HS3ST4: variants seen among roughly 807,000 people sequenced by gnomAD.
HS3ST4 encodes the protein heparan sulfate glucosamine 3-O-sulfotransferase 4.
Under a neutral mutation model 29.2 loss-of-function variants are expected in HS3ST4, and 17 were observed. The ratio of observed to expected loss-of-function variants is 0.58; its 90% CI spans 0.40 to 0.87. The LOEUF is 0.87. Among genes scored for constraint, HS3ST4 ranks in the 40% least tolerant of loss-of-function variants. HS3ST4 has a pLI of 0.00. For synonymous variants in HS3ST4, 314 were observed against 285.7 expected, an observed-to-expected ratio of 1.10 and a Z score of -1.00; for missense variants, 627 against 634.5, an observed-to-expected ratio of 0.99 and a Z score of 0.13.
intron 1 of HS3ST4, among the ~76,000 whole-genome samples, chr16:25,776,755 G>A (rs916921725): frequency 1.3e-5 from 2 of 152,110 alleles, no homozygotes; most frequent in East Asian, 1.9e-4. Context: ...ACCCTTTCAC[G>A]AATGTTCTTC....
At chr16:25,961,653 T>C (rs1968793984) in intron 1 of HS3ST4, among the ~76,000 whole-genome samples, 3 of 152,144 alleles carry the variant, frequency 2.0e-5, no homozygotes, top group Admixed American at 6.5e-5. Context: ...CTCCAACTCA[T>C]CCCAGTTCAA....
At chr16:25,952,837 C>T (rs773626918) in intron 1 of HS3ST4, among the ~76,000 whole-genome samples, 2 of 152,202 alleles carry the variant, frequency 1.3e-5, no homozygotes, top group African/African-American at 2.4e-5. Flanking sequence ...AGTAAGCATT[C>T]GATGGATGTT....
intron 1 of HS3ST4, among the ~76,000 whole-genome samples, chr16:25,754,195 TTC>T (rs776846849): frequency 4.9e-4 from 74 of 152,304 alleles, no homozygotes; most frequent in Middle Eastern, 6.8e-3. Context: ...GCTTTGTATC[TTC>T]TAGCTAAGCT....
At chr16:25,698,295 G>C (rs1966312940) in intron 1 of HS3ST4, among the ~76,000 whole-genome samples, 1 of 152,068 alleles carries the variant, frequency 6.6e-6, no homozygotes, top group African/African-American at 2.4e-5. Context: ...TGTAAATGGA[G>C]TAACAGAGTA....
In HS3ST4 at chr16:25,691,984, C is replaced by G. The variant is rs1263994855; in HGVS notation, c.-434C>G. 12 of 151,474 alleles carry G rather than the reference C, an allele frequency of 7.9e-5. No homozygotes were observed. Among genetic ancestry groups the G allele is most frequent in the Admixed American group, 7.2e-4 (11 of 15,236 alleles). 9.4% of individuals were successfully genotyped at this position (151,474 alleles called of 1,614,324 possible). On this transcript the variant is annotated 5_prime_UTR_variant, in exon 1 of 2. Coordinates refer to ENST00000331351, the MANE Select transcript of HS3ST4 (RefSeq NM_006040.3). ...CTCCCCTCCGCGCCTCTCCTCTCTCCCGGCAGAAAGTTAGCAGCGGGGAAG... is the reference window on the plus strand; with the variant it reads ...CTCCCCTCCGCGCCTCTCCTCTCTCGCGGCAGAAAGTTAGCAGCGGGGAAG...
chr16:25,886,027 G>GTTTTTTTTTT (rs34713423), intron 1 of HS3ST4, among the ~76,000 whole-genome samples: 2 of 82,760 alleles, frequency 2.4e-5, no homozygotes, highest in South Asian at 5.7e-4. Flanking sequence ...TCTTACTGTG[G>GTTTTTTTTTT]TTTTTTTTTT....
intron 1 of HS3ST4, among the ~76,000 whole-genome samples, chr16:25,790,381 C>A (rs1466547834): frequency 6.6e-6 from 1 of 152,108 alleles, no homozygotes; most frequent in Non-Finnish European, 1.5e-5. Flanking sequence ...TGCACTCCAG[C>A]CCGGGCAACA....
At chr16:25,976,153 TATTA>T (rs1968941218) in intron 1 of HS3ST4, among the ~76,000 whole-genome samples, 1 of 152,218 alleles carries the variant, frequency 6.6e-6, no homozygotes, top group African/African-American at 2.4e-5. Context: ...ATTTGTCCAG[TATTA>T]ATTAGGTTAA....
intron 1 of HS3ST4, among the ~76,000 whole-genome samples, chr16:26,071,280 G>A (rs1898600886): frequency 6.6e-6 from 1 of 152,132 alleles, no homozygotes; most frequent in South Asian, 2.1e-4. Flanking sequence ...AAGGGGTCAG[G>A]TTTGGAGGAT....
At chr16:25,908,686 CTT>C (rs1968204037) in intron 1 of HS3ST4, among the ~76,000 whole-genome samples, 4 of 152,180 alleles carry the variant, frequency 2.6e-5, no homozygotes, top group Non-Finnish European at 5.9e-5. Flanking sequence ...GGGGGCATAT[CTT>C]GCCTGCATGA....
intron 1 of HS3ST4, among the ~76,000 whole-genome samples, chr16:25,743,839 C>G (rs993757647): frequency 3.3e-5 from 5 of 152,160 alleles, no homozygotes; most frequent in African/African-American, 4.8e-5. Flanking sequence ...TCCTCTGACT[C>G]TCACATCTTG....
chr16:26,134,271 T>A (rs550594107), intron 1 of HS3ST4, among the ~76,000 whole-genome samples: 1 of 152,146 alleles, frequency 6.6e-6, no homozygotes, highest in East Asian at 1.9e-4. Flanking sequence ...ATCCCATATA[T>A]TGAGCCATAC....
chr16:25,740,446 A>C (rs1416350374), intron 1 of HS3ST4, among the ~76,000 whole-genome samples: 2 of 152,170 alleles, frequency 1.3e-5, no homozygotes, highest in Non-Finnish European at 2.9e-5. Context: ...TCTTGGATGC[A>C]CTGAGCCCCA....
intron 1 of HS3ST4, among the ~76,000 whole-genome samples, chr16:25,909,157 C>G (rs1372932372): frequency 6.6e-6 from 1 of 152,192 alleles, no homozygotes; most frequent in Admixed American, 6.6e-5. Flanking sequence ...TTTTGTAGGT[C>G]TGGGATGGGG....
At chr16:25,730,315 C>T (rs574371251) in intron 1 of HS3ST4, among the ~76,000 whole-genome samples, 1 of 152,126 alleles carries the variant, frequency 6.6e-6, no homozygotes, top group South Asian at 2.1e-4. Context: ...TTGTTTTCTT[C>T]TTGTTTCATT....
At chr16:25,812,683 G>A (rs1294834976) in intron 1 of HS3ST4, among the ~76,000 whole-genome samples, 1 of 149,178 alleles carries the variant, frequency 6.7e-6, no homozygotes, top group East Asian at 2.0e-4. Context: ...TTTCTATTCT[G>A]AGACTCTGCA....
intron 1 of HS3ST4, among the ~76,000 whole-genome samples, chr16:26,130,102 G>A (rs1161784021): frequency 6.6e-6 from 1 of 152,170 alleles, no homozygotes; most frequent in South Asian, 2.1e-4. Context: ...GGGACAGGGC[G>A]AGTGAGTTGG....
In HS3ST4 at chr16:25,893,280, G is replaced by A. The variant is rs891392462; in HGVS notation, c.734+200129G>A. 6.6e-5 allele frequency among the ~76,000 whole-genome samples: 10 copies of A among 152,186 alleles called. No individual in the cohort carries two copies. The East Asian group carries it at 1.7e-3, about 26-fold the overall frequency. On this transcript the variant is annotated intron_variant, in intron 1 of 1. Transcript: ENST00000331351. ...GTGCTGGGATTATGGCCATGATAAA[G>A]AGTCTAGATTTTATTTTAAGCCTAA...
chr16:25,882,905 C>G (rs560015398), intron 1 of HS3ST4, among the ~76,000 whole-genome samples: 18 of 152,304 alleles, frequency 1.2e-4, no homozygotes, highest in Middle Eastern at 3.4e-3. Flanking sequence ...GCTTCTTCCT[C>G]TCATCTCACC....
Sources: allele counts gnomAD v4.1 joint callset (sites outside exome capture counted in the v4.1 genomes callset), GRCh38; gene constraint gnomAD v4.1.1; transcripts MANE v1.5; gene names NCBI Gene and HGNC (gene_info 2026-07-23, HGNC 2026-07-21).